Variants in COL6A6 observed in about 807,000 individuals in gnomAD.
COL6A6 encodes the protein collagen alpha-6(VI) chain.
A neutral mutation model predicts 208.6 loss-of-function variants in COL6A6; 183 were observed. The observed-to-expected ratio is 0.88, with a 90% confidence interval of 0.78 to 0.99. COL6A6 has a LOEUF of 0.99. Among genes scored for constraint, COL6A6 ranks in the 50% least tolerant of loss-of-function variants. The pLI, the probability that COL6A6 is intolerant of heterozygous loss-of-function variation, is 0.00. For synonymous variants in COL6A6, 973 were observed against 1,011.8 expected (o/e 0.96, Z 0.73); for missense variants, 2,816 against 2,815.2 (o/e 1.00, Z -0.01).
rs2064859422 is a variant in COL6A6, at chr3:130,625,545, C to G, written c.4879-940C>G. Among the ~76,000 whole-genome samples, 3 of 152,074 alleles carry G rather than the reference C, an allele frequency of 2.0e-5. No homozygotes were observed. The South Asian group carries it at 6.2e-4, about 32-fold the overall frequency. Reference sequence around the variant, plus strand: ...TTTTACCTGTGTAATGTTCCTCCCCCAAACCCATAAGCCCAGTCTAATCAG... The same window carrying G: ...TTTTACCTGTGTAATGTTCCTCCCCGAAACCCATAAGCCCAGTCTAATCAG... On this transcript the variant is annotated intron_variant, in intron 24 of 36. Transcript: ENST00000358511.
chr3:130,524,648 C>A (rs906405423), intron 1 of COL6A6, among the ~76,000 whole-genome samples: 1 of 152,148 alleles, frequency 6.6e-6, no homozygotes, highest in Non-Finnish European at 1.5e-5. Context: ...CTTTATTTAT[C>A]TGTTTATTTT....
intron 28 of COL6A6, among the ~76,000 whole-genome samples, chr3:130,640,233 G>T (rs1328615379): frequency 6.6e-6 from 1 of 152,164 alleles, no homozygotes; most frequent in Non-Finnish European, 1.5e-5. Flanking sequence ...TTGGTTCTTG[G>T]CTTTCCCTGC....
intron 23 of COL6A6, among the ~76,000 whole-genome samples, chr3:130,613,053 A>G (rs1423783896): frequency 2.0e-5 from 3 of 152,132 alleles, no homozygotes; most frequent in South Asian, 2.1e-4. Flanking sequence ...TTGTGTTGCA[A>G]TCGCCTTTGT....
chr3:130,546,694 G>C lies in COL6A6; in HGVS notation c.-31-13640G>C, dbSNP rs550194431. On this transcript the variant is annotated intron_variant, in intron 1 of 36. Transcript: ENST00000358511. ...GCTAGACATAAAAGTTCTCCAAGTC[G>C]TCACCAGATTAACTAGACACAGAGC... is the stretch of plus-strand genomic sequence containing the variant. 1.7e-4 allele frequency among the ~76,000 whole-genome samples: 26 copies of C among 151,804 alleles called. 1 individual carries two copies. The highest frequency in any genetic ancestry group is 4.1e-4 in the African/African-American group (17 of 41,298).
chr3:130,553,284 A>G (rs564716888), intron 1 of COL6A6, among the ~76,000 whole-genome samples: 1 of 152,334 alleles, frequency 6.6e-6, no homozygotes, highest in African/African-American at 2.4e-5. Flanking sequence ...AGGAATGCCA[A>G]TGAGTCATAG....
At chr3:130,579,925 T>G (rs2063381304) in intron 8 of COL6A6, among the ~76,000 whole-genome samples, 1 of 152,222 alleles carries the variant, frequency 6.6e-6, no homozygotes, top group Non-Finnish European at 1.5e-5. Context: ...ATTCCTTCTA[T>G]CACATTATTA....
chr3:130,648,850 A>T (rs2065536833), intron 32 of COL6A6, among the ~76,000 whole-genome samples: 1 of 152,168 alleles, frequency 6.6e-6, no homozygotes, highest in Admixed American at 6.5e-5. Flanking sequence ...TGAATTCCAG[A>T]TGTTTTCCTT....
intron 23 of COL6A6, among the ~76,000 whole-genome samples, chr3:130,619,981 C>A (rs188983095): frequency 3.0e-4 from 45 of 152,292 alleles, no homozygotes; most frequent in Non-Finnish European, 5.3e-4. Flanking sequence ...ATCACCCAGG[C>A]TGGAGTGCAG....
At chr3:130,576,925 A>C (rs1265638774) in intron 8 of COL6A6, among the ~76,000 whole-genome samples, 2 of 152,228 alleles carry the variant, frequency 1.3e-5, no homozygotes, top group East Asian at 3.8e-4. Context: ...TGTGCTTCTT[A>C]TTAAAATATG....
chr3:130,574,148 T>C lies in COL6A6; in HGVS notation c.3170T>C (p.Phe1057Ser), dbSNP rs1452428285. The C allele has an allele frequency of 6.8e-6, 11 of 1,613,836 alleles. No homozygotes were observed. The Admixed American group carries it at 1.5e-4, about 22-fold the overall frequency. The change falls in exon 8 of 37, where the codon TTC (phenylalanine) becomes TCC (serine). Residue 1057 changes from phenylalanine to serine, a missense_variant. By Grantham distance (155) the Phe-to-Ser change is radical. Coordinates refer to ENST00000358511, the MANE Select transcript of COL6A6 (RefSeq NM_001102608.3). ...CACCCGGAGTTTCCACTGGGAACTT[T>C]CATAGGTGAAAAAGAGATATCATTT... Reference protein sequence around the residue: ...TYHPEFPLGTFIGEKEISFQI... With the variant: ...TYHPEFPLGTSIGEKEISFQI...
rs766851096 is a variant in COL6A6, at chr3:130,626,552, G to T, written c.4941+5G>T. On this transcript the variant is annotated splice_donor_5th_base_variant and intron_variant, in intron 25 of 36. Coordinates refer to ENST00000358511, the MANE Select transcript of COL6A6 (RefSeq NM_001102608.3). ...CCTGGTCCTCGTGGCTTGCAGGTTTGTATTTTGACACTAGTTTTGATCGGA... is the reference window on the plus strand; with the variant it reads ...CCTGGTCCTCGTGGCTTGCAGGTTTTTATTTTGACACTAGTTTTGATCGGA... 4.4e-6 allele frequency: 7 copies of T among 1,606,718 alleles called. No homozygotes were observed. In the East Asian group the frequency reaches 1.3e-4, roughly 31 times the overall value.
chr3:130,567,365 T>G (rs2063053159), intron 5 of COL6A6, 103 bp downstream of exon 5: 1 of 897,174 alleles, frequency 1.1e-6, no homozygotes, highest in African/African-American at 1.7e-5. Flanking sequence ...ATTACTAAGT[T>G]GAGATTTGTT....
In COL6A6 at chr3:130,627,337, G is replaced by A; in HGVS notation, c.4960G>A (p.Gly1654Ser). 6.2e-7 allele frequency: 1 copy of A among 1,613,786 alleles called. No homozygotes were observed. The highest frequency in any genetic ancestry group is 1.7e-4 in the Middle Eastern group (1 of 6,060). ...TTTACAGGGCAATGATGGCAGTCCAGGTTATGGTAGTGTCGGACGCAAGGG... is the reference window on the plus strand; with the variant it reads ...TTTACAGGGCAATGATGGCAGTCCAAGTTATGGTAGTGTCGGACGCAAGGG... ...RGLQGNDGSP[G>S]YGSVGRKGAK... Residue 1654 changes from glycine (G) to serine (S), a missense_variant, in exon 26 of 37, where the codon GGT (glycine) becomes AGT (serine). Physicochemically the swap from Gly to Ser is moderately conservative, Grantham distance 56 (BLOSUM62 0). Transcript: ENST00000358511.
chr3:130,565,458 G>A lies in COL6A6; in HGVS notation c.1126G>A (p.Glu376Lys). The change falls in exon 4 of 37, where the codon GAA becomes AAA. Residue 376 changes from glutamate to lysine, a missense_variant. Glu to Lys is a moderately conservative substitution (Grantham distance 56). Transcript: ENST00000358511. The stretch of plus-strand genomic sequence containing the variant: ...AGAGGGCGCCAGCGACACCCAGTTG[G>A]AAAAGATAGCATCCCACCCTGCTGA... ...GIEGASDTQL[E>K]KIASHPAEQY... The A allele has an allele frequency of 6.2e-7, 1 of 1,613,924 alleles. No individual in the cohort carries two copies. The highest frequency in any genetic ancestry group is 8.5e-7 in the Non-Finnish European group (1 of 1,179,860).
At chr3:130,542,178 C>CT (rs1386780375) in intron 1 of COL6A6, among the ~76,000 whole-genome samples, 3 of 133,746 alleles carry the variant, frequency 2.2e-5, no homozygotes, top group Non-Finnish European at 3.3e-5. Flanking sequence ...TTTTTTTCCT[C>CT]TTTTTTCTTT....
chr3:130,649,666 GT>G, intron 33 of COL6A6, 104 bp downstream of exon 33: 1 of 1,284,212 alleles, frequency 7.8e-7, no homozygotes, highest in Non-Finnish European at 1.0e-6. Flanking sequence ...TTGTTAGGAA[GT>G]TTAAAAAATT....
In COL6A6 at chr3:130,571,035, T is replaced by C; in HGVS notation, c.2619T>C (p.Ile873=). Residue 873 remains isoleucine (I), a synonymous_variant, in exon 7 of 37, where the codon ATT becomes ATC. Coordinates refer to ENST00000358511, the MANE Select transcript of COL6A6 (RefSeq NM_001102608.3). ...LDDFGTKLEV[I]SVLQNDQAMG... ...ACTTTGGCACAAAACTGGAGGTAAT[T>C]TCAGTGCTCCAGAATGACCAAGCCA... is the stretch of plus-strand genomic sequence containing the variant. 1 of 1,613,886 alleles carries C rather than the reference T, an allele frequency of 6.2e-7. No individual in the cohort carries two copies. The highest frequency in any genetic ancestry group is 8.5e-7 in the Non-Finnish European group (1 of 1,179,844).
chr3:130,601,904 A>G (rs2064033359), intron 20 of COL6A6, among the ~76,000 whole-genome samples: 1 of 152,238 alleles, frequency 6.6e-6, no homozygotes, highest in Non-Finnish European at 1.5e-5. Context: ...CTGATACATC[A>G]AGTGTGACCT....
Position 130,574,373 on chromosome 3 carries a change from T to A in COL6A6, c.3395T>A (p.Ile1132Asn). The A allele has an allele frequency of 6.2e-7, 1 of 1,614,010 alleles. No individual in the cohort carries two copies. Among genetic ancestry groups the A allele is most frequent in the Non-Finnish European group, 8.5e-7 (1 of 1,179,906 alleles). ...AEALRHRGIDIYSVGIGDVDD... is the reference protein window; with the variant it reads ...AEALRHRGIDNYSVGIGDVDD... ...GCCCTGAGACACAGAGGTATCGACA[T>A]CTACTCCGTGGGCATTGGGGATGTG... Residue 1132 changes from isoleucine (I) to asparagine (N), a missense_variant, in exon 8 of 37, where the codon ATC becomes AAC. Transcript: ENST00000358511.
Sources: allele counts gnomAD v4.1 joint callset (sites outside exome capture counted in the v4.1 genomes callset), GRCh38; gene constraint gnomAD v4.1.1; transcripts MANE v1.5; gene names NCBI Gene and HGNC (gene_info 2026-07-23, HGNC 2026-07-21).